The following MAF variants were observed in gnomAD, a reference collection of about 807,000 sequenced individuals.
MAF encodes MAF bZIP transcription factor.
Under a neutral mutation model 22.0 loss-of-function variants are expected in MAF, and 10 were observed. The observed-to-expected ratio is 0.45, with a 90% CI of 0.28 to 0.77. The LOEUF (loss-of-function observed/expected upper bound fraction) is 0.77, where lower values mean the gene tolerates loss of function less well. Ranked by LOEUF, MAF falls within the 30% of genes least tolerant of loss-of-function variation. The pLI is 0.12. For synonymous variants in MAF, 337 were observed against 255.8 expected (o/e 1.32, Z -3.03); for missense variants, 544 against 548.4 (o/e 0.99, Z 0.08).
the MAF span, among the ~76,000 whole-genome samples, chr16:79,342,391 G>A: frequency 1.3e-5 from 2 of 152,222 alleles, no homozygotes; most frequent in African/African-American, 4.8e-5. Flanking sequence ...GCAGCATGAG[G>A]CAGTTAAAGG....
At chr16:79,554,479 G>A in the MAF span, among the ~76,000 whole-genome samples, 1 of 152,180 alleles carries the variant, frequency 6.6e-6, no homozygotes, top group South Asian at 2.1e-4. Context: ...CAAACGGACA[G>A]TACTTGATCA....
the MAF span, among the ~76,000 whole-genome samples, chr16:79,396,149 G>T: frequency 0.012 from 1,782 of 152,264 alleles, 13 homozygotes; most frequent in Non-Finnish European, 0.019. Flanking sequence ...CTGCATAAAG[G>T]GTGTTTGTCC....
the MAF span, among the ~76,000 whole-genome samples, chr16:79,455,282 C>T: frequency 1.3e-5 from 2 of 152,038 alleles, no homozygotes; most frequent in Non-Finnish European, 2.9e-5. Flanking sequence ...GTTAATGGCT[C>T]AAGAGGGTTT....
chr16:79,444,074 G>A, the MAF span, among the ~76,000 whole-genome samples: 1 of 152,036 alleles, frequency 6.6e-6, no homozygotes, highest in Non-Finnish European at 1.5e-5. Flanking sequence ...CATCATTTTT[G>A]AAAGATAGTT....
chr16:79,576,885 T>A, the MAF span, among the ~76,000 whole-genome samples: 5 of 152,214 alleles, frequency 3.3e-5, no homozygotes, highest in Non-Finnish European at 5.9e-5. Flanking sequence ...AAACTTTGTA[T>A]CCTTTTTAGT....
At chr16:79,595,837 G>A (rs1913487109) in intron 1 of MAF, 1 of 1,057,662 alleles carries the variant, frequency 9.5e-7, no homozygotes, top group African/African-American at 1.6e-5. Context: ...TGATAACATA[G>A]TTTAAACCAG....
chr16:79,531,507 A>G, the MAF span, among the ~76,000 whole-genome samples: 1 of 152,130 alleles, frequency 6.6e-6, no homozygotes, highest in South Asian at 2.1e-4. Context: ...TAATGTAGAA[A>G]CAGTGGGAGA....
At chr16:79,265,765 G>C in the MAF span, among the ~76,000 whole-genome samples, 815 of 152,204 alleles carry the variant, frequency 5.4e-3, 6 homozygotes, top group African/African-American at 0.018. Context: ...TCCCCTAAAG[G>C]AAGCACTTTA....
chr16:79,322,668 C>G, the MAF span, among the ~76,000 whole-genome samples: 10,141 of 151,980 alleles, frequency 0.067, 431 homozygotes, highest in African/African-American at 0.12. Flanking sequence ...GGTCGACACA[C>G]GGGTACTGAG....
the MAF span, among the ~76,000 whole-genome samples, chr16:79,276,330 G>A: frequency 6.6e-6 from 1 of 152,076 alleles, no homozygotes; most frequent in Admixed American, 6.6e-5. Context: ...TTGGGACTCG[G>A]GGTCCCCAGC....
the MAF span, among the ~76,000 whole-genome samples, chr16:79,244,427 CA>C: frequency 6.6e-6 from 1 of 151,910 alleles, no homozygotes; most frequent in African/African-American, 2.4e-5. Context: ...CAATAATAGA[CA>C]AACAGAGAGC....
At chr16:79,259,190 T>C in the MAF span, among the ~76,000 whole-genome samples, 1 of 152,176 alleles carries the variant, frequency 6.6e-6, no homozygotes, top group East Asian at 1.9e-4. Context: ...CCTCCGTGAC[T>C]TACCTTCTCC....
Position 79,599,983 on chromosome 16 carries a change from C to G in MAF, c.-81G>C. The G allele has an allele frequency of 3.2e-6, 5 of 1,584,256 alleles. No homozygotes were observed. Among genetic ancestry groups the G allele is most frequent in the Non-Finnish European group, 4.3e-6 (5 of 1,170,360 alleles). On this transcript the variant is annotated 5_prime_UTR_variant, in exon 1 of 2. Coordinates refer to ENST00000326043, the MANE Select transcript of MAF (RefSeq NM_005360.5). ...GGGGCCAGCGGGCTGTGCTGGGTGG[C>G]CAGCGGGTGAGCCAGCTTGCCGGGC...
At chr16:79,305,826 G>A in the MAF span, among the ~76,000 whole-genome samples, 1 of 152,188 alleles carries the variant, frequency 6.6e-6, no homozygotes, top group Non-Finnish European at 1.5e-5. Context: ...CAAGGCAGAA[G>A]GGAGAATCAC....
the MAF span, among the ~76,000 whole-genome samples, chr16:79,559,432 C>A: frequency 2.6e-5 from 4 of 152,240 alleles, no homozygotes; most frequent in East Asian, 5.8e-4. Flanking sequence ...GAGGGGAAGT[C>A]TTCGAGTGGC....
chr16:79,567,639 G>A, the MAF span, among the ~76,000 whole-genome samples: 15 of 152,314 alleles, frequency 9.8e-5, no homozygotes, highest in African/African-American at 3.6e-4. Flanking sequence ...GGTGAAGCAT[G>A]GCCTCTCCCC....
chr16:79,295,196 T>C, the MAF span, among the ~76,000 whole-genome samples: 1 of 152,196 alleles, frequency 6.6e-6, no homozygotes, highest in Non-Finnish European at 1.5e-5. Flanking sequence ...CACTCCTTGC[T>C]GCGTTTTCAA....
At chr16:79,340,997 G>C in the MAF span, among the ~76,000 whole-genome samples, 3 of 152,216 alleles carry the variant, frequency 2.0e-5, no homozygotes, top group Non-Finnish European at 4.4e-5. Context: ...AGAGGGACCA[G>C]CTATGCAAAG....
At chr16:79,492,768 C>T in the MAF span, among the ~76,000 whole-genome samples, 184 of 152,124 alleles carry the variant, frequency 1.2e-3, 1 homozygote, top group Middle Eastern at 3.4e-3. Context: ...GAGGCCAGAC[C>T]CAAAAGGGAA....
Sources: allele counts gnomAD v4.1 joint callset (sites outside exome capture counted in the v4.1 genomes callset), GRCh38; gene constraint gnomAD v4.1.1; transcripts MANE v1.5; gene names NCBI Gene and HGNC (gene_info 2026-07-23, HGNC 2026-07-21).